KIF16B: variants seen among roughly 807,000 people sequenced by gnomAD.
KIF16B encodes the protein kinesin family member 16B, also known as kinesin-like protein KIF16B.
In KIF16B, 98 loss-of-function variants were observed where a neutral mutation model predicts 156.3. The ratio of observed to expected loss-of-function variants is 0.63; its 90% confidence interval spans 0.53 to 0.74. The LOEUF (loss-of-function observed/expected upper bound fraction) is 0.74, where lower values mean the gene tolerates loss of function less well. Ranked by LOEUF, KIF16B falls within the 30% of genes least tolerant of loss-of-function variation. The probability of loss-of-function intolerance (pLI) is 0.00; values close to 1 mark genes in which losing one functional copy is unlikely to be tolerated. For synonymous variants in KIF16B, 564 were observed against 583.7 expected (o/e 0.97, Z 0.49); for missense variants, 1,421 against 1,606.5 (o/e 0.88, Z 1.97).
chr20:16,554,451 G>A lies in KIF16B; in HGVS notation c.47+18778C>T, dbSNP rs188585675. ...CTCTGCTGAGCGCTGAACGCTCATC[G>A]GGACACCCTGCCTGCTACCCAGTGC... is the stretch of plus-strand genomic sequence containing the variant. On this transcript the variant is annotated intron_variant, in intron 1 of 25. Coordinates refer to ENST00000354981, the MANE Select transcript of KIF16B (RefSeq NM_024704.5). 4.6e-5 allele frequency among the ~76,000 whole-genome samples: 7 copies of A among 152,276 alleles called. No homozygotes were observed. In the East Asian group the frequency reaches 5.8e-4, roughly 13 times the overall value.
chr20:16,417,631 T>C (rs958898612), intron 15 of KIF16B, among the ~76,000 whole-genome samples: 7 of 152,070 alleles, frequency 4.6e-5, no homozygotes, highest in African/African-American at 1.7e-4. Flanking sequence ...CTCCAATAAA[T>C]GTTTCAATAC....
In KIF16B at chr20:16,272,108, T is replaced by C. The variant is rs527986001; in HGVS notation, c.*1145A>G. 1 of 152,798 alleles carries C rather than the reference T, an allele frequency of 6.5e-6. No individual in the cohort carries two copies. Among genetic ancestry groups the C allele is most frequent in the East Asian group, 1.9e-4 (1 of 5,194 alleles). 9.5% of individuals were successfully genotyped at this position (152,798 alleles called of 1,614,324 possible). A position where few individuals can be genotyped will look rare whatever the true frequency, so the allele number is the denominator to read the frequency against. On this transcript the variant is annotated 3_prime_UTR_variant, in exon 26 of 26. Transcript: ENST00000354981. ...AAAATAAGCTGAGCTACAGGGTAGATGCCATAACTTCATTTAATATTGATA... is the reference window on the plus strand; with the variant it reads ...AAAATAAGCTGAGCTACAGGGTAGACGCCATAACTTCATTTAATATTGATA...
chr20:16,357,673 C>T (rs529164620), intron 22 of KIF16B, among the ~76,000 whole-genome samples: 2 of 152,284 alleles, frequency 1.3e-5, no homozygotes, highest in Admixed American at 6.5e-5. Flanking sequence ...AGAGTGTCAA[C>T]TTAGCTGTGT....
intron 12 of KIF16B, among the ~76,000 whole-genome samples, chr20:16,488,528 G>T (rs1197290165): frequency 6.6e-6 from 1 of 152,108 alleles, no homozygotes; most frequent in African/African-American, 2.4e-5. Context: ...AAAAAACTGG[G>T]GATTCCTCCT....
rs140728844 is a variant in KIF16B, at chr20:16,508,024, G to T, written c.633C>A (p.Thr211=). ...LMDAGNINRT[T]AATGMNDVSS... is the part of the protein sequence containing the mutation. ...TGACGTCGTTCATCCCAGTCGCTGC[G>T]GTGGTCCGGTTGATATTGCCCGCAT... Residue 211 remains threonine, a synonymous_variant, in exon 7 of 26, where the codon ACC becomes ACA. Coordinates refer to ENST00000354981, the MANE Select transcript of KIF16B (RefSeq NM_024704.5). 1.9e-6 allele frequency: 3 copies of T among 1,614,102 alleles called. No individual in the cohort carries two copies. Among genetic ancestry groups the T allele is most frequent in the Non-Finnish European group, 2.5e-6 (3 of 1,179,986 alleles).
chr20:16,323,251 G>A (rs989670712), intron 24 of KIF16B, among the ~76,000 whole-genome samples: 1 of 151,886 alleles, frequency 6.6e-6, no homozygotes, highest in Non-Finnish European at 1.5e-5. Context: ...CATAGCACTC[G>A]AATTGGTCAA....
At chr20:16,533,644 G>A (rs946293229) in intron 1 of KIF16B, among the ~76,000 whole-genome samples, 1 of 152,182 alleles carries the variant, frequency 6.6e-6, no homozygotes, top group African/African-American at 2.4e-5. Flanking sequence ...TAAGTTGTAA[G>A]TGGCTTCTGA....
At chr20:16,310,743 CTT>C (rs2063607813) in intron 25 of KIF16B, among the ~76,000 whole-genome samples, 1 of 152,140 alleles carries the variant, frequency 6.6e-6, no homozygotes, top group African/African-American at 2.4e-5. Flanking sequence ...CCGCAATAAT[CTT>C]TTCCTTGAAC....
intron 19 of KIF16B, among the ~76,000 whole-genome samples, chr20:16,378,035 T>C (rs1484306948): frequency 2.0e-5 from 3 of 152,226 alleles, no homozygotes; most frequent in Non-Finnish European, 4.4e-5. Flanking sequence ...GACTGTTTTA[T>C]AATGCAGAGT....
At chr20:16,437,029 T>C (rs984063917) in intron 12 of KIF16B, among the ~76,000 whole-genome samples, 3 of 152,178 alleles carry the variant, frequency 2.0e-5, no homozygotes, top group Non-Finnish European at 4.4e-5. Flanking sequence ...ATATAACCTA[T>C]GCATATGCTT....
intron 7 of KIF16B, among the ~76,000 whole-genome samples, chr20:16,506,652 T>C (rs1340293721): frequency 2.0e-5 from 3 of 152,260 alleles, no homozygotes. Flanking sequence ...TTTCTTTTAA[T>C]GTAAAATCTT....
intron 3 of KIF16B, among the ~76,000 whole-genome samples, chr20:16,522,381 T>C (rs2069384810): frequency 6.6e-6 from 1 of 152,148 alleles, no homozygotes; most frequent in Non-Finnish European, 1.5e-5. Flanking sequence ...TAGTCTCTGA[T>C]AAAACAGACT....
intron 3 of KIF16B, among the ~76,000 whole-genome samples, chr20:16,521,599 G>T (rs2069354879): frequency 6.6e-6 from 1 of 152,164 alleles, no homozygotes; most frequent in Non-Finnish European, 1.5e-5. Flanking sequence ...ACACTCTTCA[G>T]GCTATTATCC....
At chr20:16,514,699 T>C (rs1385949654) in intron 4 of KIF16B, among the ~76,000 whole-genome samples, 1 of 149,724 alleles carries the variant, frequency 6.7e-6, no homozygotes, top group Non-Finnish European at 1.5e-5. Flanking sequence ...GAGACCAGCC[T>C]CGCCAACATG....
Position 16,463,046 on chromosome 20 carries a change from G to A in KIF16B, c.1302+31245C>T, listed in dbSNP as rs6111140. Among the ~76,000 whole-genome samples the A allele has an allele frequency of 4.6e-3, 693 of 152,290 alleles. 2 individuals are homozygous for A. Among genetic ancestry groups the A allele is most frequent in the African/African-American group, 0.016 (666 of 41,564 alleles). Reference sequence around the variant, plus strand: ...CAGATCTTCGTGCACTATGCAAATGGCACACCTGGTCCAACCAATCTTGTG... The same window carrying A: ...CAGATCTTCGTGCACTATGCAAATGACACACCTGGTCCAACCAATCTTGTG... On this transcript the variant is annotated intron_variant, in intron 12 of 25. Transcript: ENST00000354981.
intron 17 of KIF16B, among the ~76,000 whole-genome samples, chr20:16,403,738 T>A (rs559830202): frequency 6.6e-6 from 1 of 152,242 alleles, no homozygotes; most frequent in African/African-American, 2.4e-5. Context: ...ATCCCTCCTA[T>A]GACACTGAAG....
chr20:16,529,110 T>A (rs2147158948), intron 1 of KIF16B, among the ~76,000 whole-genome samples: 1 of 152,262 alleles, frequency 6.6e-6, no homozygotes, highest in African/African-American at 2.4e-5. Context: ...ATGGAGAAAA[T>A]CTATGTAGAA....
At position 16,336,028 on chromosome 20, in the gene KIF16B, A is replaced by C; in HGVS notation, c.3622-13T>G. The C allele has an allele frequency of 6.6e-7, 1 of 1,517,896 alleles. No individual in the cohort carries two copies. The highest frequency in any genetic ancestry group is 9.0e-7 in the Non-Finnish European group (1 of 1,110,634). 94.0% of individuals were successfully genotyped at this position (1,517,896 alleles called of 1,614,324 possible). On this transcript the variant is annotated splice_polypyrimidine_tract_variant and intron_variant, in intron 23 of 25. Transcript: ENST00000354981. The stretch of plus-strand genomic sequence containing the variant: ...CTAGGACAGTAATCTATTAACCAGG[A>C]AAACCAAAATGAATAAGCATTAAGA...
chr20:16,564,794 C>T (rs2071193267), intron 1 of KIF16B, among the ~76,000 whole-genome samples: 1 of 152,160 alleles, frequency 6.6e-6, no homozygotes, highest in African/African-American at 2.4e-5. Context: ...ACCTCCAATG[C>T]CCTCACAGCC....
Sources: gnomAD v4.1 joint callset for allele counts (sites outside exome capture counted in the v4.1 genomes callset) on GRCh38, gnomAD v4.1.1 for gene constraint, MANE v1.5 for transcripts, NCBI Gene and HGNC (gene_info 2026-07-23, HGNC 2026-07-21) for gene names.